Variants in NMBR observed in about 807,000 individuals in gnomAD.
NMBR encodes neuromedin B receptor.
Under a neutral mutation model 20.5 loss-of-function variants are expected in NMBR, and 16 were observed. The ratio of observed to expected loss-of-function variants is 0.78; its 90% CI spans 0.53 to 1.19. The LOEUF (loss-of-function observed/expected upper bound fraction) is 1.19. NMBR is among the 50% of genes most tolerant of loss of function. The probability of loss-of-function intolerance (pLI) is 0.00; values close to 1 mark genes in which losing one functional copy is unlikely to be tolerated. For synonymous variants in NMBR, 212 were observed against 196.6 expected (o/e 1.08, Z -0.65); for missense variants, 582 against 499.1 (o/e 1.17, Z -1.58).
At position 142,134,746 on chromosome 6, in the gene NMBR, T is replaced by G. The variant is rs1582863980; in HGVS notation, c.-664+12298A>C. ...TTTCCAAGTAAAATCTCTTTACCTG[T>G]GTGATGCTAGATCTCTTGGGGAAAA... On this transcript the variant is annotated intron_variant, in intron 1 of 3. Transcript: ENST00000258042. The G allele has an allele frequency of 1.4e-5, 10 of 691,394 alleles. No individual in the cohort carries two copies. The East Asian group carries it at 2.7e-4, about 19-fold the overall frequency. 42.8% of individuals were successfully genotyped at this position (691,394 alleles called of 1,614,324 possible).
At chr6:142,098,827 A>G (rs2114578430) in intron 1 of NMBR, among the ~76,000 whole-genome samples, 1 of 152,294 alleles carries the variant, frequency 6.6e-6, no homozygotes, top group South Asian at 2.1e-4. Context: ...CGATGATAAC[A>G]GGCACAAGAT....
In NMBR at chr6:142,078,428, A is replaced by G; in HGVS notation, c.771+127T>C. 3.3e-6 allele frequency: 2 copies of G among 605,874 alleles called. 1 individual carries two copies. Among genetic ancestry groups the G allele is most frequent in the South Asian group, 4.2e-5 (2 of 47,882 alleles). 37.5% of individuals were successfully genotyped at this position (605,874 alleles called of 1,614,324 possible). A position where few individuals can be genotyped will look rare whatever the true frequency, so the allele number is the denominator to read the frequency against. On this transcript the variant is annotated intron_variant, in intron 3 of 3. Coordinates refer to ENST00000258042, the MANE Select transcript of NMBR (RefSeq NM_002511.4). The stretch of plus-strand genomic sequence containing the variant: ...TTAGAGATCCCCACATATCCCTTCT[A>G]GTTAAGGCCTGTGAAGGCCCAACTC...
chr6:142,079,066 GAGAAAGAGAGAAAGAA>G (rs1208621200), intron 2 of NMBR, among the ~76,000 whole-genome samples, 163 bp from the exon 3 acceptor site: 3 of 133,802 alleles, frequency 2.2e-5, no homozygotes, highest in Non-Finnish European at 4.6e-5. Context: ...GAAAGAGAGA[GAGAAAGAGAGAAAGAA>G]AGAAAGAGAG....
At chr6:142,104,985 A>T (rs1317766806) in intron 1 of NMBR, among the ~76,000 whole-genome samples, 1 of 152,188 alleles carries the variant, frequency 6.6e-6, no homozygotes, top group Non-Finnish European at 1.5e-5. Context: ...GGTGGATCTT[A>T]CAAAGTACAT....
intron 1 of NMBR, among the ~76,000 whole-genome samples, chr6:142,117,997 G>C (rs1377526626): frequency 6.6e-6 from 1 of 151,860 alleles, no homozygotes; most frequent in Non-Finnish European, 1.5e-5. Flanking sequence ...TGGGCTTTCT[G>C]AGTTTGACTC....
chr6:142,123,984 A>G (rs1162973021), intron 1 of NMBR, among the ~76,000 whole-genome samples: 3 of 151,964 alleles, frequency 2.0e-5, no homozygotes, highest in Non-Finnish European at 2.9e-5. Context: ...ACTATTCACA[A>G]TGAAATATAA....
intron 1 of NMBR, among the ~76,000 whole-genome samples, chr6:142,090,522 A>G (rs1163493234): frequency 1.3e-5 from 2 of 151,040 alleles, no homozygotes; most frequent in Non-Finnish European, 3.0e-5. Context: ...AATTCATTAT[A>G]AAATTAAGAT....
At chr6:142,080,202 A>T (rs1419820832) in intron 2 of NMBR, among the ~76,000 whole-genome samples, 2 of 151,718 alleles carry the variant, frequency 1.3e-5, no homozygotes, top group Non-Finnish European at 2.9e-5. Flanking sequence ...CTGAATTTTA[A>T]AATTTCTGCT....
intron 1 of NMBR, among the ~76,000 whole-genome samples, chr6:142,121,940 C>T (rs78919602): frequency 0.013 from 2,004 of 151,956 alleles, 53 homozygotes; most frequent in African/African-American, 0.046. Flanking sequence ...TCCCAGACCA[C>T]ACTCCAGGTG....
chr6:142,131,212 G>T (rs536739269), intron 1 of NMBR, among the ~76,000 whole-genome samples: 1 of 152,178 alleles, frequency 6.6e-6, no homozygotes, highest in Admixed American at 6.5e-5. Context: ...TGACAGTTTT[G>T]GCATCCTGTA....
chr6:142,107,649 A>C (rs1347375333), intron 1 of NMBR, among the ~76,000 whole-genome samples: 1 of 152,196 alleles, frequency 6.6e-6, no homozygotes, highest in Non-Finnish European at 1.5e-5. Context: ...TAAAATGTCT[A>C]GTTTTCAACA....
chr6:142,095,094 G>C (rs1420268958), intron 1 of NMBR, among the ~76,000 whole-genome samples: 1 of 152,060 alleles, frequency 6.6e-6, no homozygotes, highest in Non-Finnish European at 1.5e-5. Flanking sequence ...CATGTCATCT[G>C]CAAACAGGGA....
chr6:142,140,320 T>C (rs1286713040), intron 1 of NMBR, among the ~76,000 whole-genome samples: 1 of 152,078 alleles, frequency 6.6e-6, no homozygotes, highest in Non-Finnish European at 1.5e-5. Flanking sequence ...TCTTGTAATA[T>C]ATGTAAAGTA....
intron 1 of NMBR, among the ~76,000 whole-genome samples, chr6:142,114,785 G>A (rs558373029): frequency 6.6e-6 from 1 of 152,200 alleles, no homozygotes; most frequent in Middle Eastern, 3.4e-3. Flanking sequence ...GCAATTTAAT[G>A]ATTAGAGTTT....
At chr6:142,138,345 C>T (rs1449873469) in intron 1 of NMBR, among the ~76,000 whole-genome samples, 1 of 152,066 alleles carries the variant, frequency 6.6e-6, no homozygotes, top group Non-Finnish European at 1.5e-5. Context: ...TACATGAAAG[C>T]ACAGGAGAAA....
At chr6:142,106,775 C>T (rs958382164) in intron 1 of NMBR, among the ~76,000 whole-genome samples, 12 of 152,126 alleles carry the variant, frequency 7.9e-5, no homozygotes, top group African/African-American at 2.9e-4. Context: ...TATTGTATTG[C>T]CATTTGCTCA....
intron 1 of NMBR, among the ~76,000 whole-genome samples, chr6:142,142,958 G>T (rs1202043711): frequency 6.6e-6 from 1 of 152,032 alleles, no homozygotes; most frequent in African/African-American, 2.4e-5. Context: ...GGTGGTGCCT[G>T]CCTGCAGTCC....
At chr6:142,086,766 T>C (rs1402301459) in intron 2 of NMBR, among the ~76,000 whole-genome samples, 1 of 152,208 alleles carries the variant, frequency 6.6e-6, no homozygotes, top group African/African-American at 2.4e-5. Context: ...TAAATGGTCA[T>C]GTGTCGCCAT....
chr6:142,133,926 T>A (rs1463797500), intron 1 of NMBR: 2 of 702,462 alleles, frequency 2.8e-6, no homozygotes, highest in African/African-American at 1.7e-5. Context: ...CTCGGGGTGC[T>A]AGGCTTTGCA....
Sources: gnomAD v4.1 joint callset for allele counts (sites outside exome capture counted in the v4.1 genomes callset) on GRCh38, gnomAD v4.1.1 for gene constraint, MANE v1.5 for transcripts, NCBI Gene and HGNC (gene_info 2026-07-23, HGNC 2026-07-21) for gene names.